SLC35F4: variants seen among roughly 807,000 people sequenced by gnomAD.
SLC35F4 encodes the protein solute carrier family 35 member F4.
In SLC35F4, 24 loss-of-function variants were observed where a neutral mutation model predicts 44.2. The observed-to-expected ratio is 0.54, with a 90% confidence interval of 0.39 to 0.76. SLC35F4 has a LOEUF of 0.76. SLC35F4 is among the 30% of genes least tolerant of loss of function. The pLI is 0.00. For synonymous variants in SLC35F4, 238 were observed against 223.6 expected (o/e 1.06, Z -0.57); for missense variants, 562 against 586.1 (o/e 0.96, Z 0.42).
At chr14:57,776,665 CAAAA>C (rs57272978) in intron 1 of SLC35F4, among the ~76,000 whole-genome samples, 5,234 of 71,950 alleles carry the variant, frequency 0.073, 318 homozygotes, top group African/African-American at 0.22. Flanking sequence ...GACTCCATCT[CAAAA>C]AAAAAAAAAA....
chr14:57,619,325 CAA>C (rs1197283805), intron 1 of SLC35F4, among the ~76,000 whole-genome samples: 1 of 152,140 alleles, frequency 6.6e-6, no homozygotes, highest in Non-Finnish European at 1.5e-5. Context: ...CCCTCTGGGA[CAA>C]AGTTTCTAGA....
intron 1 of SLC35F4, among the ~76,000 whole-genome samples, chr14:57,734,146 G>A (rs1353532165): frequency 2.0e-5 from 3 of 152,254 alleles, no homozygotes; most frequent in African/African-American, 7.2e-5. Flanking sequence ...TTGAGATATA[G>A]GCTGGAATTA....
chr14:57,903,415 T>A (rs1009641778), intron 1 of SLC35F4, among the ~76,000 whole-genome samples: 1 of 152,208 alleles, frequency 6.6e-6, no homozygotes, highest in Non-Finnish European at 1.5e-5. Flanking sequence ...TTAGCAAGAT[T>A]CTTGATAACA....
chr14:57,580,164 T>C (rs1209800854), intron 4 of SLC35F4, among the ~76,000 whole-genome samples: 1 of 152,176 alleles, frequency 6.6e-6, no homozygotes, highest in Non-Finnish European at 1.5e-5. Flanking sequence ...CATTTCTAAA[T>C]TTCAGAGCAG....
intron 1 of SLC35F4, among the ~76,000 whole-genome samples, chr14:57,672,853 A>G (rs573655725): frequency 6.6e-6 from 1 of 152,074 alleles, no homozygotes; most frequent in African/African-American, 2.4e-5. Context: ...CAAAGTCTGA[A>G]TCCTTTCATG....
At chr14:57,728,899 T>C (rs1432217468) in intron 1 of SLC35F4, among the ~76,000 whole-genome samples, 6 of 152,212 alleles carry the variant, frequency 3.9e-5, no homozygotes, top group African/African-American at 1.2e-4. Context: ...TTATTTCTCC[T>C]TCATGCTCAA....
chr14:57,905,881 G>A (rs1889095713), intron 1 of SLC35F4, among the ~76,000 whole-genome samples: 1 of 152,146 alleles, frequency 6.6e-6, no homozygotes, highest in African/African-American at 2.4e-5. Context: ...AGGGGAAAGG[G>A]TATGGGCAGA....
At chr14:57,576,961 T>C (rs1407934110) in intron 4 of SLC35F4, among the ~76,000 whole-genome samples, 2 of 152,154 alleles carry the variant, frequency 1.3e-5, no homozygotes, top group African/African-American at 4.8e-5. Context: ...CTGTCTCCTC[T>C]CTTGGCTATA....
chr14:57,946,856 C>G (rs549118700), intron 1 of SLC35F4, among the ~76,000 whole-genome samples: 1 of 152,112 alleles, frequency 6.6e-6, no homozygotes, highest in Non-Finnish European at 1.5e-5. Flanking sequence ...GGCTGTTTTG[C>G]TAACTATAGC....
rs3054446 is a variant in SLC35F4 at position 57,617,130 on chromosome 14, C to CTT, written c.104-23008_104-23007dup. 5.3e-3 allele frequency among the ~76,000 whole-genome samples: 529 copies of CTT among 99,244 alleles called. 21 individuals are homozygous for CTT. The highest frequency in any genetic ancestry group is 0.019 in the African/African-American group (496 of 26,324). The allele number at this position is 99,244 out of a possible 152,430, so 65.1% of individuals were successfully genotyped here. On this transcript the variant is annotated intron_variant, in intron 1 of 7. Transcript: ENST00000556826. ...CGAGCTCAGCTTAACTGTACTTATT[C>CTT]TTTTTTTTTTTTTTTTTTGAGACAG... is the stretch of plus-strand genomic sequence containing the variant.
At chr14:57,881,458 A>C (rs1487975534) in intron 1 of SLC35F4, among the ~76,000 whole-genome samples, 1 of 152,316 alleles carries the variant, frequency 6.6e-6, no homozygotes, top group South Asian at 2.1e-4. Context: ...GTGTCAATAT[A>C]GTTGAAATAT....
chr14:57,818,049 G>A (rs772643288), intron 1 of SLC35F4, among the ~76,000 whole-genome samples: 8 of 152,134 alleles, frequency 5.3e-5, no homozygotes, highest in Non-Finnish European at 1.2e-4. Context: ...CAATACTGCT[G>A]TGGAACTGGG....
chr14:57,808,853 G>A (rs1009310238), intron 1 of SLC35F4, among the ~76,000 whole-genome samples: 13 of 152,206 alleles, frequency 8.5e-5, no homozygotes, highest in Non-Finnish European at 1.3e-4. Flanking sequence ...TGATAAGTCA[G>A]TATCAACAAC....
intron 1 of SLC35F4, among the ~76,000 whole-genome samples, chr14:57,761,985 A>G (rs566011886): frequency 3.3e-5 from 5 of 152,284 alleles, no homozygotes; most frequent in African/African-American, 1.2e-4. Flanking sequence ...CAGGCTGAAA[A>G]CAAGGAATTT....
At chr14:57,729,094 C>A (rs2076284436) in intron 1 of SLC35F4, among the ~76,000 whole-genome samples, 2 of 152,188 alleles carry the variant, frequency 1.3e-5, no homozygotes, top group South Asian at 4.1e-4. Context: ...TCTTTATCCT[C>A]AGCCTTTAGG....
At chr14:57,681,519 C>T (rs1273064110) in intron 1 of SLC35F4, among the ~76,000 whole-genome samples, 3 of 152,040 alleles carry the variant, frequency 2.0e-5, no homozygotes, top group Non-Finnish European at 4.4e-5. Flanking sequence ...GGATTAAAGA[C>T]TTAGACATAA....
At chr14:57,817,120 G>A (rs1295806173) in intron 1 of SLC35F4, among the ~76,000 whole-genome samples, 1 of 152,120 alleles carries the variant, frequency 6.6e-6, no homozygotes, top group African/African-American at 2.4e-5. Flanking sequence ...TGAAAATGAG[G>A]TACAGATGAC....
At chr14:57,656,047 T>C (rs1195731307) in intron 1 of SLC35F4, among the ~76,000 whole-genome samples, 2 of 151,968 alleles carry the variant, frequency 1.3e-5, no homozygotes, top group African/African-American at 4.8e-5. Context: ...TGGGCAAGTT[T>C]TGGGAACTTG....
intron 1 of SLC35F4, among the ~76,000 whole-genome samples, chr14:57,910,212 ATG>A (rs1889190284): frequency 6.6e-6 from 1 of 151,792 alleles, no homozygotes; most frequent in Non-Finnish European, 1.5e-5. Flanking sequence ...CCTGTATCGG[ATG>A]TGTCTTTTGC....
Sources: allele counts gnomAD v4.1 joint callset (sites outside exome capture counted in the v4.1 genomes callset), GRCh38; gene constraint gnomAD v4.1.1; transcripts MANE v1.5; gene names NCBI Gene and HGNC (gene_info 2026-07-23, HGNC 2026-07-21).